PSG3: variants seen among roughly 807,000 people sequenced by gnomAD.
The protein encoded by PSG3 is pregnancy specific beta-1-glycoprotein 3, also known as pregnancy-specific beta-1-glycoprotein 3.
Under a neutral mutation model 47.5 loss-of-function variants are expected in PSG3, and 61 were observed. The ratio of observed to expected loss-of-function variants is 1.28; its 90% confidence interval spans 1.05 to 1.59. The LOEUF (loss-of-function observed/expected upper bound fraction) is 1.59, where lower values mean the gene tolerates loss of function less well. Among genes scored for constraint, PSG3 ranks in the 40% most tolerant of loss-of-function variants. PSG3 has a pLI of 0.00. For synonymous variants in PSG3, 263 were observed against 198.4 expected, an observed-to-expected ratio of 1.33 and a Z score of -2.74; for missense variants, 756 against 524.0, an observed-to-expected ratio of 1.44 and a Z score of -4.32.
Position 42,738,733 on chromosome 19 carries a change from T to G in PSG3, c.421A>C (p.Thr141Pro), listed in dbSNP as rs780829538. ...ACGTGGAGTCACTCACGGTATAAGG[T>G]GAAGGTGAAATGTCCAGTTTCTCCT... ...TRGETGHFTF[T>P]LYLETPKPSI... The change falls in exon 2 of 7, where the codon ACC becomes CCC. Residue 141 changes from threonine to proline, a missense_variant. By Grantham distance (38) the Thr-to-Pro change is conservative. Coordinates refer to ENST00000327495, the MANE Select transcript of PSG3 (RefSeq NM_021016.4). The G allele has an allele frequency of 6.2e-7, 1 of 1,613,756 alleles. No individual in the cohort carries two copies. Among genetic ancestry groups the G allele is most frequent in the Non-Finnish European group, 8.5e-7 (1 of 1,179,802 alleles).
intron 6 of PSG3, among the ~76,000 whole-genome samples, 158 bp from the exon 7 acceptor site, chr19:42,722,248 C>A (rs1374503729): frequency 1.3e-5 from 2 of 152,078 alleles, no homozygotes; most frequent in African/African-American, 4.8e-5. Flanking sequence ...TTAGAATACT[C>A]ATTAAAAAAA....
rs1316619387 is a variant in PSG3 at position 42,738,746 on chromosome 19, T to C, written c.408A>G (p.Gly136=). The C allele has an allele frequency of 6.2e-7, 1 of 1,613,896 alleles. No homozygotes were observed. Among genetic ancestry groups the C allele is most frequent in the Non-Finnish European group, 8.5e-7 (1 of 1,179,856 alleles). Residue 136 remains glycine, a synonymous_variant, in exon 2 of 7, where the codon GGA becomes GGG. Transcript: ENST00000327495. ...CACGGTATAAGGTGAAGGTGAAATG[T>C]CCAGTTTCTCCTCTAGTCCCATCAC... is the stretch of plus-strand genomic sequence containing the variant. ...KRGDGTRGET[G]HFTFTLYLET... is the part of the protein sequence containing the mutation.
rs150249632 is a variant in PSG3 at position 42,724,997 on chromosome 19, T to C, written c.1244-972A>G. Among the ~76,000 whole-genome samples, 1,343 of 152,240 alleles carry C rather than the reference T, an allele frequency of 8.8e-3. 19 individuals are homozygous for C. The highest frequency in any genetic ancestry group is 0.03 in the African/African-American group (1,258 of 41,524). On this transcript the variant is annotated intron_variant, in intron 5 of 6. Coordinates refer to ENST00000327495, the MANE Select transcript of PSG3 (RefSeq NM_021016.4). The stretch of plus-strand genomic sequence containing the variant: ...CACAATAACCCTGTGAGGTAGACAT[T>C]ATTTCCATTTTGCCGATGAAAAGAC...
chr19:42,726,358 T>C (rs1262270599), intron 5 of PSG3, among the ~76,000 whole-genome samples: 1 of 152,188 alleles, frequency 6.6e-6, no homozygotes, highest in East Asian at 1.9e-4. Context: ...ATTATTTCTG[T>C]TTACAGATAA....
rs1312422093 is a variant in PSG3 at position 42,739,055 on chromosome 19, A to G, written c.99T>C (p.Thr33=). 1.2e-6 allele frequency: 2 copies of G among 1,610,618 alleles called. No individual in the cohort carries two copies. The highest frequency in any genetic ancestry group is 1.7e-6 in the Non-Finnish European group (2 of 1,177,152). The change falls in exon 2 of 7, where the codon ACT becomes ACC. Residue 33 remains threonine, a synonymous_variant. Transcript: ENST00000327495. ...LLLNFWNLPT[T]AQVTIEAEPT... ...GCTCGGCTTCAATCGTGACTTGGGC[A>G]GTGGTAGGCAAGTTCCAGAAGTTTA...
intron 2 of PSG3, chr19:42,734,102 C>G (rs1485978048): frequency 6.6e-6 from 1 of 152,158 alleles, no homozygotes; most frequent in Non-Finnish European, 1.5e-5. Flanking sequence ...TTTCCAGGAG[C>G]TGGGATCAGG....
At chr19:42,722,584 A>T (rs1334580686) in intron 6 of PSG3, among the ~76,000 whole-genome samples, 1 of 152,126 alleles carries the variant, frequency 6.6e-6, no homozygotes, top group African/African-American at 2.4e-5. Context: ...CATTCCCATA[A>T]ATATTATTTA....
chr19:42,728,900 C>T lies in PSG3; in HGVS notation c.1243+223G>A, dbSNP rs1349213229. Among the ~76,000 whole-genome samples the T allele has an allele frequency of 5.3e-5, 8 of 152,244 alleles. No homozygotes were observed. In the South Asian group the frequency reaches 1.0e-3, roughly 20 times the overall value. On this transcript the variant is annotated intron_variant, in intron 5 of 6. Coordinates refer to ENST00000327495, the MANE Select transcript of PSG3 (RefSeq NM_021016.4). Reference sequence around the variant, plus strand: ...GGCTCAGGGCTGATAAAGCCCGCTCCGTACCTTTCTCAGGCCAGACACAAG... The same window carrying T: ...GGCTCAGGGCTGATAAAGCCCGCTCTGTACCTTTCTCAGGCCAGACACAAG...
chr19:42,735,950 T>C (rs1277828630), intron 2 of PSG3, among the ~76,000 whole-genome samples: 1 of 152,180 alleles, frequency 6.6e-6, no homozygotes, highest in Non-Finnish European at 1.5e-5. Context: ...CATGGCTGAG[T>C]CCATCTGGTA....
At chr19:42,732,625 G>A (rs1969490633) in intron 3 of PSG3, 159 bp downstream of exon 3, 5 of 1,531,552 alleles carry the variant, frequency 3.3e-6, no homozygotes, top group Non-Finnish European at 4.5e-6. Context: ...TCAAGCCTAG[G>A]CCTACTCTGG....
chr19:42,736,707 A>G (rs1969570154), intron 2 of PSG3, among the ~76,000 whole-genome samples: 1 of 150,922 alleles, frequency 6.6e-6, no homozygotes, highest in South Asian at 2.1e-4. Flanking sequence ...GTGGATGGAG[A>G]AACTGCCTAT....
chr19:42,725,077 G>T (rs553233574), intron 5 of PSG3, among the ~76,000 whole-genome samples: 2 of 152,266 alleles, frequency 1.3e-5, no homozygotes, highest in African/African-American at 4.8e-5. Context: ...GTGACAGGTG[G>T]ATCTGAGATT....
At chr19:42,731,493 T>C (rs1969472898) in intron 3 of PSG3, among the ~76,000 whole-genome samples, 1 of 152,228 alleles carries the variant, frequency 6.6e-6, no homozygotes, top group South Asian at 2.1e-4. Context: ...TGCACTTGTA[T>C]ATTTTTGAAG....
intron 5 of PSG3, among the ~76,000 whole-genome samples, chr19:42,724,600 T>C (rs1265443830): frequency 6.6e-6 from 1 of 152,156 alleles, no homozygotes; most frequent in Non-Finnish European, 1.5e-5. Context: ...ATAATTGAAT[T>C]GGTACCTAAA....
chr19:42,733,593 A>T (rs1969512841), intron 2 of PSG3: 2 of 160,446 alleles, frequency 1.2e-5, no homozygotes, highest in African/African-American at 4.8e-5. Context: ...CACAGGGGAG[A>T]ACAGAGTCAA....
intron 2 of PSG3, among the ~76,000 whole-genome samples, chr19:42,736,420 G>A (rs142206057): frequency 0.013 from 1,993 of 152,082 alleles, 36 homozygotes; most frequent in African/African-American, 0.045. Flanking sequence ...ATTTCCCTCC[G>A]CCCGCATGAT....
At chr19:42,732,058 G>A (rs1470119468) in intron 3 of PSG3, 1 of 153,260 alleles carries the variant, frequency 6.5e-6, no homozygotes, top group Non-Finnish European at 1.5e-5. Context: ...CAGAGGGCAG[G>A]TGGCTCTTCC....
chr19:42,727,315 TA>T (rs1230925342), intron 5 of PSG3, among the ~76,000 whole-genome samples: 1 of 152,052 alleles, frequency 6.6e-6, no homozygotes, highest in Non-Finnish European at 1.5e-5. Context: ...ATCAAGAAAG[TA>T]AAAAGCAACC....
At chr19:42,728,794 A>G (rs1410123673) in intron 5 of PSG3, among the ~76,000 whole-genome samples, 1 of 152,112 alleles carries the variant, frequency 6.6e-6, no homozygotes, top group African/African-American at 2.4e-5. Flanking sequence ...GCAGAAGGGG[A>G]TGTGTTGGTG....
Sources: gnomAD v4.1 joint callset for allele counts (sites outside exome capture counted in the v4.1 genomes callset) on GRCh38, gnomAD v4.1.1 for gene constraint, MANE v1.5 for transcripts, NCBI Gene and HGNC (gene_info 2026-07-23, HGNC 2026-07-21) for gene names.